TMEM135: variants seen among roughly 807,000 people sequenced by gnomAD.
TMEM135 encodes transmembrane protein 135, also known as peroxisomal membrane protein 52.
TMEM135 carries 30 observed loss-of-function variants against 60.3 expected under a neutral mutation model. That is an observed-to-expected ratio of 0.50 (90% CI 0.37 to 0.68). TMEM135 has a LOEUF of 0.68. Among genes scored for constraint, TMEM135 ranks in the 30% least tolerant of loss-of-function variants. TMEM135 has a pLI of 0.00. For missense variants in TMEM135, 468 were observed against 548.8 expected (o/e 0.85, Z 1.47); for synonymous variants, 190 against 186.7 (o/e 1.02, Z -0.14).
intron 4 of TMEM135, among the ~76,000 whole-genome samples, chr11:87,114,121 A>G (rs565697590): frequency 6.6e-6 from 1 of 152,236 alleles, no homozygotes; most frequent in Admixed American, 6.5e-5. Flanking sequence ...TTGAGGACTG[A>G]GAGTTTACCT....
At chr11:87,103,667 C>CT (rs1466631676) in intron 4 of TMEM135, among the ~76,000 whole-genome samples, 5 of 149,946 alleles carry the variant, frequency 3.3e-5, no homozygotes, top group East Asian at 3.9e-4. Flanking sequence ...GGGTTGTCTC[C>CT]TTTTTTTTTG....
At chr11:87,275,341 A>G (rs1941949056) in intron 6 of TMEM135, among the ~76,000 whole-genome samples, 1 of 152,142 alleles carries the variant, frequency 6.6e-6, no homozygotes, top group Admixed American at 6.5e-5. Flanking sequence ...CCTATACTTA[A>G]GTGCTAGCAA....
intron 6 of TMEM135, among the ~76,000 whole-genome samples, chr11:87,276,595 T>C (rs1170740974): frequency 6.6e-6 from 1 of 151,660 alleles, no homozygotes; most frequent in Non-Finnish European, 1.5e-5. Flanking sequence ...CTGGGAGAGA[T>C]TTCATTGAAT....
chr11:87,185,929 A>G (rs1380853573), intron 5 of TMEM135, among the ~76,000 whole-genome samples: 3 of 78,176 alleles, frequency 3.8e-5, no homozygotes, highest in Admixed American at 2.1e-4. Context: ...TTTTTGTGAG[A>G]CAGAGGTTCA....
chr11:87,055,465 A>T (rs773373724), intron 1 of TMEM135, among the ~76,000 whole-genome samples: 3 of 152,250 alleles, frequency 2.0e-5, no homozygotes, highest in Non-Finnish European at 4.4e-5. Context: ...TTTAAATTAT[A>T]GTAGTCAGAA....
intron 1 of TMEM135, among the ~76,000 whole-genome samples, chr11:87,062,997 TAATC>T: frequency 1.3e-5 from 2 of 152,336 alleles, no homozygotes; most frequent in East Asian, 1.9e-4. Context: ...CTATGATAAT[TAATC>T]CTTATTTCTC....
intron 5 of TMEM135, among the ~76,000 whole-genome samples, chr11:87,203,946 A>G (rs1278048302): frequency 6.6e-6 from 1 of 152,052 alleles, no homozygotes; most frequent in Non-Finnish European, 1.5e-5. Flanking sequence ...TCCAAGTGAA[A>G]TATTTTTGCC....
At chr11:87,222,955 GT>G (rs1204034678) in intron 5 of TMEM135, among the ~76,000 whole-genome samples, 10 of 152,150 alleles carry the variant, frequency 6.6e-5, no homozygotes, top group African/African-American at 2.4e-4. Flanking sequence ...GGATTGCTGA[GT>G]TTGTCATGCT....
intron 5 of TMEM135, among the ~76,000 whole-genome samples, chr11:87,168,165 T>G (rs1591072343): frequency 6.6e-6 from 1 of 152,316 alleles, no homozygotes; most frequent in East Asian, 1.9e-4. Flanking sequence ...ATCTCTTTTA[T>G]CTTTTTTTAT....
chr11:87,077,006 A>G (rs917850886), intron 3 of TMEM135, among the ~76,000 whole-genome samples: 1 of 152,218 alleles, frequency 6.6e-6, no homozygotes, highest in African/African-American at 2.4e-5. Context: ...ATTCTTATGT[A>G]TACTCATTTG....
chr11:87,137,047 C>T (rs1266248173), intron 4 of TMEM135, among the ~76,000 whole-genome samples: 1 of 151,968 alleles, frequency 6.6e-6, no homozygotes, highest in East Asian at 1.9e-4. Context: ...TTTCTCTCTA[C>T]TTTTTCTGTC....
chr11:87,087,731 C>G (rs967573080), intron 3 of TMEM135, among the ~76,000 whole-genome samples: 3 of 151,676 alleles, frequency 2.0e-5, no homozygotes, highest in African/African-American at 7.3e-5. Flanking sequence ...CATACGGAAT[C>G]TCAGATAAGA....
chr11:87,126,841 C>A (rs1358100462), intron 4 of TMEM135, among the ~76,000 whole-genome samples: 1 of 151,878 alleles, frequency 6.6e-6, no homozygotes, highest in Non-Finnish European at 1.5e-5. Flanking sequence ...TGTTTGGATT[C>A]TGAATTCTTA....
chr11:87,290,813 CTTGCAAG>C (rs1456186374), intron 6 of TMEM135, among the ~76,000 whole-genome samples: 2 of 152,102 alleles, frequency 1.3e-5, no homozygotes, highest in African/African-American at 4.8e-5. Context: ...AGTGCAGAAC[CTTGCAAG>C]TAGAGATTCA....
intron 4 of TMEM135, among the ~76,000 whole-genome samples, chr11:87,153,317 A>G (rs961978205): frequency 2.0e-5 from 3 of 152,344 alleles, no homozygotes; most frequent in Non-Finnish European, 2.9e-5. Context: ...AAACATGCCA[A>G]GTATGATCCT....
At chr11:87,219,925 C>G (rs1030484706) in intron 5 of TMEM135, among the ~76,000 whole-genome samples, 1 of 152,076 alleles carries the variant, frequency 6.6e-6, no homozygotes, top group Non-Finnish European at 1.5e-5. Flanking sequence ...GTAGTCACTA[C>G]TAAGTATTGA....
intron 6 of TMEM135, among the ~76,000 whole-genome samples, chr11:87,263,168 G>A (rs753222850): frequency 6.6e-6 from 1 of 152,126 alleles, no homozygotes; most frequent in Non-Finnish European, 1.5e-5. Context: ...GTCCTATTTG[G>A]AGTAGTGTTT....
At chr11:87,239,955 A>G (rs2135377661) in intron 6 of TMEM135, among the ~76,000 whole-genome samples, 1 of 152,248 alleles carries the variant, frequency 6.6e-6, no homozygotes, top group Non-Finnish European at 1.5e-5. Flanking sequence ...TTTTACATAT[A>G]TTATCTCATA....
intron 9 of TMEM135, among the ~76,000 whole-genome samples, chr11:87,309,205 A>G (rs1239416586): frequency 6.6e-6 from 1 of 152,158 alleles, no homozygotes; most frequent in African/African-American, 2.4e-5. Flanking sequence ...AATCCTGATT[A>G]TTGTCAACAA....
Sources: gnomAD v4.1 joint callset for allele counts (sites outside exome capture counted in the v4.1 genomes callset) on GRCh38, gnomAD v4.1.1 for gene constraint, MANE v1.5 for transcripts, NCBI Gene and HGNC (gene_info 2026-07-23, HGNC 2026-07-21) for gene names.